SCAPER: variants seen among roughly 807,000 people sequenced by gnomAD.
The protein encoded by SCAPER is S phase cyclin A-associated protein in the endoplasmic reticulum.
SCAPER carries 98 observed loss-of-function variants against 182.2 expected under a neutral mutation model. The observed-to-expected ratio is 0.54, with a 90% CI of 0.46 to 0.64. The LOEUF (loss-of-function observed/expected upper bound fraction) is 0.64, where lower values mean the gene tolerates loss of function less well. Ranked by LOEUF, SCAPER falls within the 30% of genes least tolerant of loss-of-function variation. The probability of loss-of-function intolerance (pLI) is 0.00; values close to 1 mark genes in which losing one functional copy is unlikely to be tolerated. For missense variants in SCAPER, 1,432 were observed against 1,690.0 expected, an observed-to-expected ratio of 0.85 and a Z score of 2.68; for synonymous variants, 605 against 564.6, an observed-to-expected ratio of 1.07 and a Z score of -1.01.
chr15:76,426,290 A>G (rs939647463), intron 26 of SCAPER, among the ~76,000 whole-genome samples: 2 of 152,030 alleles, frequency 1.3e-5, no homozygotes, highest in Non-Finnish European at 2.9e-5. Flanking sequence ...CGCTTTACCT[A>G]CTCAAGCCTC....
At chr15:76,715,197 C>G (rs1487806709) in intron 17 of SCAPER, among the ~76,000 whole-genome samples, 1 of 151,512 alleles carries the variant, frequency 6.6e-6, no homozygotes, top group Non-Finnish European at 1.5e-5. Context: ...GCCAATACTA[C>G]TGGTGAGACA....
chr15:76,586,098 G>A, intron 22 of SCAPER, among the ~76,000 whole-genome samples: 1 of 152,248 alleles, frequency 6.6e-6, no homozygotes, highest in African/African-American at 2.4e-5. Context: ...GCAACTCTAA[G>A]CTCAAGTCTG....
intron 23 of SCAPER, among the ~76,000 whole-genome samples, chr15:76,521,413 A>G (rs768971410): frequency 2.0e-5 from 3 of 151,632 alleles, no homozygotes; most frequent in Non-Finnish European, 4.4e-5. Context: ...CCAAATAATT[A>G]GGCTCACGAC....
At chr15:76,585,418 C>A (rs995057184) in intron 22 of SCAPER, among the ~76,000 whole-genome samples, 3 of 152,056 alleles carry the variant, frequency 2.0e-5, no homozygotes, top group Non-Finnish European at 4.4e-5. Context: ...AAGTTACTGA[C>A]CTTATGTGGA....
At position 76,775,638 on chromosome 15, in the gene SCAPER, T is replaced by C. The variant is rs145069373; in HGVS notation, c.773-521A>G. On this transcript the variant is annotated intron_variant, in intron 8 of 31. Coordinates refer to ENST00000563290, the MANE Select transcript of SCAPER (RefSeq NM_020843.4). ...CTCTTCATCTTTCAGAATCCAAACATCTACCTCCAAAGTCTGAGTTCTTTC... is the reference window on the plus strand; with the variant it reads ...CTCTTCATCTTTCAGAATCCAAACACCTACCTCCAAAGTCTGAGTTCTTTC... Among the ~76,000 whole-genome samples the C allele has an allele frequency of 4.9e-3, 744 of 152,262 alleles. 4 individuals are homozygous for C. The highest frequency in any genetic ancestry group is 0.014 in the South Asian group (69 of 4,826).
Position 76,514,041 on chromosome 15 carries a change from C to T in SCAPER, c.2839-9067G>A, listed in dbSNP as rs761955378. Among the ~76,000 whole-genome samples, 34 of 152,146 alleles carry T rather than the reference C, an allele frequency of 2.2e-4. 1 individual carries two copies. The highest frequency in any genetic ancestry group is 1.1e-3 in the Admixed American group (17 of 15,276). On this transcript the variant is annotated intron_variant, in intron 23 of 31. Coordinates refer to ENST00000563290, the MANE Select transcript of SCAPER (RefSeq NM_020843.4). ...ATACTCTCCTATGTCTGTGTTCCTA[C>T]CCAGGGCCAAGCACAGGATGCACAC...
chr15:76,767,898 T>C (rs2063206626), intron 10 of SCAPER, among the ~76,000 whole-genome samples: 1 of 152,050 alleles, frequency 6.6e-6, no homozygotes, highest in Non-Finnish European at 1.5e-5. Flanking sequence ...AGGTCTATGC[T>C]AATTAAAAGA....
Position 76,414,955 on chromosome 15 carries a change from C to T in SCAPER, c.3312-10276G>A, listed in dbSNP as rs189679889. Among the ~76,000 whole-genome samples the T allele has an allele frequency of 7.5e-4, 114 of 152,240 alleles. No individual in the cohort carries two copies. The East Asian group carries it at 0.015, about 20-fold the overall frequency. ...TCAATGATTTTGTAAGCACCTAATT[C>T]TGTTTTATATCCTTTTCTGCTTAAA... On this transcript the variant is annotated intron_variant, in intron 26 of 31. Coordinates refer to ENST00000563290, the MANE Select transcript of SCAPER (RefSeq NM_020843.4).
chr15:76,448,237 G>A (rs2048137501), intron 25 of SCAPER, among the ~76,000 whole-genome samples: 1 of 152,152 alleles, frequency 6.6e-6, no homozygotes, highest in Admixed American at 6.5e-5. Flanking sequence ...ATCACAATAT[G>A]TAGGCTGCTA....
intron 8 of SCAPER, among the ~76,000 whole-genome samples, chr15:76,777,088 C>G (rs1339482085): frequency 6.6e-6 from 1 of 152,178 alleles, no homozygotes; most frequent in South Asian, 2.1e-4. Context: ...AATTAAACCT[C>G]TGAAAACTAA....
intron 5 of SCAPER, among the ~76,000 whole-genome samples, chr15:76,811,083 G>A (rs548020801): frequency 6.4e-4 from 85 of 132,988 alleles, no homozygotes; most frequent in African/African-American, 2.3e-3. Flanking sequence ...AATAATAGAA[G>A]ACTGCAATGT....
intron 21 of SCAPER, among the ~76,000 whole-genome samples, chr15:76,649,864 C>T (rs957027508): frequency 4.0e-5 from 6 of 151,844 alleles, no homozygotes; most frequent in African/African-American, 1.2e-4. Context: ...CTATTAAAAA[C>T]ATTAAAGGAA....
At chr15:76,445,550 G>A (rs1162666057) in intron 25 of SCAPER, among the ~76,000 whole-genome samples, 1 of 152,154 alleles carries the variant, frequency 6.6e-6, no homozygotes, top group Non-Finnish European at 1.5e-5. Flanking sequence ...TCAGGTGAGG[G>A]CAGGAATTCA....
At chr15:76,672,542 A>G (rs928334781) in intron 20 of SCAPER, among the ~76,000 whole-genome samples, 6 of 152,184 alleles carry the variant, frequency 3.9e-5, no homozygotes, top group Admixed American at 6.5e-5. Context: ...AAACTCAAAA[A>G]AAGATTGCAA....
chr15:76,562,572 T>C (rs929680772), intron 23 of SCAPER, among the ~76,000 whole-genome samples: 8 of 152,192 alleles, frequency 5.3e-5, no homozygotes, highest in African/African-American at 1.7e-4. Context: ...CTTGGCAAGA[T>C]AGCACTGTCT....
chr15:76,742,698 A>AT (rs747049112), intron 15 of SCAPER, among the ~76,000 whole-genome samples: 2 of 151,920 alleles, frequency 1.3e-5, no homozygotes, highest in Non-Finnish European at 2.9e-5. Flanking sequence ...TCAATCACCA[A>AT]TCTACCTAAG....
At position 76,701,636 on chromosome 15, in the gene SCAPER, TAA is replaced by T. The variant is rs1029036095; in HGVS notation, c.2508+120_2508+121del. On this transcript the variant is annotated intron_variant, in intron 20 of 31. Transcript: ENST00000563290. ...TTGTACACTATATTGTAGTAGCTAT[TAA>T]GTGCTAAATATAGTTTTAAATAATC... The T allele has an allele frequency of 7.7e-5, 53 of 688,280 alleles. No individual in the cohort carries two copies. In the East Asian group the frequency reaches 1.1e-3, roughly 14 times the overall value. The allele number at this position is 688,280 out of a possible 1,614,324, so 42.6% of individuals were successfully genotyped here. A position where few individuals can be genotyped will look rare whatever the true frequency, so the allele number is the denominator to read the frequency against.
intron 15 of SCAPER, chr15:76,736,774 G>A: frequency 6.5e-6 from 1 of 155,008 alleles, no homozygotes. Context: ...GAAGCTGCAT[G>A]CTCGGTCAAA....
chr15:76,809,158 A>G (rs1323301631), intron 5 of SCAPER, among the ~76,000 whole-genome samples: 1 of 152,242 alleles, frequency 6.6e-6, no homozygotes, highest in African/African-American at 2.4e-5. Flanking sequence ...ACAGAAGGCC[A>G]GTATGACAAG....
Sources: gnomAD v4.1 joint callset for allele counts (sites outside exome capture counted in the v4.1 genomes callset) on GRCh38, gnomAD v4.1.1 for gene constraint, MANE v1.5 for transcripts, NCBI Gene and HGNC (gene_info 2026-07-23, HGNC 2026-07-21) for gene names.